USP48: variants seen among roughly 807,000 people sequenced by gnomAD.
USP48 encodes the protein ubiquitin carboxyl-terminal hydrolase 48.
In USP48, 43 loss-of-function variants were observed where a neutral mutation model predicts 150.7. That is an observed-to-expected ratio of 0.29 (90% CI 0.22 to 0.37). The LOEUF (loss-of-function observed/expected upper bound fraction) is 0.37. Among genes scored for constraint, USP48 ranks in the 10% least tolerant of loss-of-function variants. The pLI, the probability that USP48 is intolerant of heterozygous loss-of-function variation, is 1.00. For synonymous variants in USP48, 396 were observed against 425.9 expected (o/e 0.93, Z 0.86); for missense variants, 813 against 1,249.6 (o/e 0.65, Z 5.27).
At chr1:21,709,907 C>T (rs1375250783) in intron 15 of USP48, among the ~76,000 whole-genome samples, 1 of 152,034 alleles carries the variant, frequency 6.6e-6, no homozygotes, top group Admixed American at 6.6e-5. Context: ...AGCTGAGTTT[C>T]TAAATATAAT....
Position 21,721,672 on chromosome 1 carries a change from G to A in USP48, c.1741C>T (p.Leu581=). The part of the protein sequence containing the change: ...LNEDYKTVNN[L]LKAAVKGSDG... ...TACCCCTTTACTGCTGCTTTCAGCA[G>A]ATTATTAACAGTTTTATAATCTTCA... Residue 581 remains leucine (L), a synonymous_variant, in exon 13 of 27, where the codon CTG becomes TTG. Coordinates refer to ENST00000308271, the MANE Select transcript of USP48 (RefSeq NM_032236.8). 1 of 1,601,696 alleles carries A rather than the reference G, an allele frequency of 6.2e-7. No homozygotes were observed. The highest frequency in any genetic ancestry group is 8.5e-7 in the Non-Finnish European group (1 of 1,172,596).
chr1:21,683,019 G>A (rs114035717), intron 25 of USP48, among the ~76,000 whole-genome samples: 5 of 152,226 alleles, frequency 3.3e-5, no homozygotes, highest in Non-Finnish European at 5.9e-5. Context: ...CAAACACTTC[G>A]GGAGGCCGAG....
chr1:21,740,200 T>A (rs1018502514), intron 8 of USP48, among the ~76,000 whole-genome samples: 2 of 152,226 alleles, frequency 1.3e-5, no homozygotes, highest in African/African-American at 4.8e-5. Context: ...CATGAGCCAC[T>A]GCGCCCAGGC....
intron 23 of USP48, among the ~76,000 whole-genome samples, chr1:21,693,416 C>A (rs2097609552): frequency 6.6e-6 from 1 of 152,154 alleles, no homozygotes; most frequent in African/African-American, 2.4e-5. Context: ...GGGGAAAGAC[C>A]TTCTACTGCC....
rs1339073994 is a variant in USP48 at position 21,679,099 on chromosome 1, C to G, written c.*318G>C. Reference sequence around the variant, plus strand: ...ATATAACAGAACTTTATTCCCCTCCCACGACTATAAATCTCATATGTAAAC... The same window carrying G: ...ATATAACAGAACTTTATTCCCCTCCGACGACTATAAATCTCATATGTAAAC... On this transcript the variant is annotated 3_prime_UTR_variant, in exon 27 of 27. Coordinates refer to ENST00000308271, the MANE Select transcript of USP48 (RefSeq NM_032236.8). The G allele has an allele frequency of 2.3e-6, 1 of 429,982 alleles. No homozygotes were observed. Among genetic ancestry groups the G allele is most frequent in the Admixed American group, 4.0e-5 (1 of 24,890 alleles). 26.6% of individuals were successfully genotyped at this position (429,982 alleles called of 1,614,324 possible). A position where few individuals can be genotyped will look rare whatever the true frequency, so the allele number is the denominator to read the frequency against.
At chr1:21,687,094 T>C in intron 25 of USP48, 97 bp downstream of exon 25, 2 of 1,168,352 alleles carry the variant, frequency 1.7e-6, no homozygotes, top group Non-Finnish European at 2.5e-6. Flanking sequence ...TTTTCAAGGT[T>C]CAAAGTAAAA....
intron 1 of USP48, among the ~76,000 whole-genome samples, chr1:21,764,128 T>C (rs1053341912): frequency 6.6e-6 from 1 of 151,858 alleles, no homozygotes; most frequent in African/African-American, 2.4e-5. Flanking sequence ...ATCAAGGAGG[T>C]TGAGTGTTTC....
chr1:21,699,016 T>G (rs1478933886), intron 22 of USP48, among the ~76,000 whole-genome samples: 1 of 152,082 alleles, frequency 6.6e-6, no homozygotes, highest in Non-Finnish European at 1.5e-5. Flanking sequence ...TCGGGATGGA[T>G]ATGTACACCC....
chr1:21,691,460 C>T (rs2097600273), intron 23 of USP48, among the ~76,000 whole-genome samples: 3 of 152,034 alleles, frequency 2.0e-5, no homozygotes, highest in Non-Finnish European at 4.4e-5. Context: ...ATGGCAAAAC[C>T]CTATCTCTAC....
chr1:21,709,155 G>A (rs1354201659), intron 15 of USP48, among the ~76,000 whole-genome samples: 1 of 151,964 alleles, frequency 6.6e-6, no homozygotes, highest in Admixed American at 6.6e-5. Context: ...AGAAATGCTG[G>A]GATTATAAGC....
intron 7 of USP48, among the ~76,000 whole-genome samples, chr1:21,747,783 G>A (rs947597918): frequency 6.6e-6 from 1 of 151,760 alleles, no homozygotes; most frequent in Admixed American, 6.6e-5. Context: ...ATGTTGGCCC[G>A]GCTGATCTCG....
At chr1:21,717,966 G>A (rs939904129) in intron 14 of USP48, among the ~76,000 whole-genome samples, 5 of 152,148 alleles carry the variant, frequency 3.3e-5, no homozygotes, top group Non-Finnish European at 7.4e-5. Flanking sequence ...CAAAACTGAT[G>A]TGACGGATGT....
intron 14 of USP48, among the ~76,000 whole-genome samples, chr1:21,719,458 G>T (rs1000179043): frequency 1.2e-4 from 18 of 151,960 alleles, no homozygotes; most frequent in African/African-American, 4.1e-4. Flanking sequence ...AATATAAAGT[G>T]ACAGAAATGG....
intron 1 of USP48, among the ~76,000 whole-genome samples, chr1:21,758,003 C>T (rs1297319623): frequency 6.6e-6 from 1 of 152,094 alleles, no homozygotes; most frequent in African/African-American, 2.4e-5. Context: ...ACCTTTAGAC[C>T]TAGCAATCTC....
chr1:21,702,879 GCA>G (rs2097661223), intron 21 of USP48, among the ~76,000 whole-genome samples: 1 of 152,248 alleles, frequency 6.6e-6, no homozygotes, highest in Admixed American at 6.5e-5. Flanking sequence ...GCAGTGCGCA[GCA>G]CAGATACAGA....
intron 18 of USP48, 49 bp from the exon 19 acceptor site, chr1:21,705,886 G>T: frequency 7.2e-7 from 1 of 1,393,474 alleles, no homozygotes; most frequent in Non-Finnish European, 9.8e-7. Context: ...ACTGCATGAC[G>T]AAAGAGAAGA....
chr1:21,718,617 G>A (rs545159454), intron 14 of USP48, among the ~76,000 whole-genome samples: 1 of 150,494 alleles, frequency 6.6e-6, no homozygotes, highest in East Asian at 2.0e-4. Flanking sequence ...GGAATGCAGT[G>A]GTGCCATCTC....
rs1021054523 is a variant in USP48 at position 21,741,765 on chromosome 1, CG to C, written c.992-5141del. ...CCGAGGCAAGAGGACTGCTTAAGGC[CG>C]TAAGTCCGAAACCAGCCTGGGCAAC... On this transcript the variant is annotated intron_variant, in intron 8 of 26. Coordinates refer to ENST00000308271, the MANE Select transcript of USP48 (RefSeq NM_032236.8). Among the ~76,000 whole-genome samples, 9 of 152,176 alleles carry C rather than the reference CG, an allele frequency of 5.9e-5. No individual in the cohort carries two copies. In the East Asian group the frequency reaches 1.7e-3, roughly 29 times the overall value.
At chr1:21,738,541 A>G (rs1326726483) in intron 8 of USP48, among the ~76,000 whole-genome samples, 3 of 151,120 alleles carry the variant, frequency 2.0e-5, no homozygotes, top group Non-Finnish European at 2.9e-5. Context: ...TATTTTTAGT[A>G]GAGATGGGGT....
Sources: gnomAD v4.1 joint callset for allele counts (sites outside exome capture counted in the v4.1 genomes callset) on GRCh38, gnomAD v4.1.1 for gene constraint, MANE v1.5 for transcripts, NCBI Gene and HGNC (gene_info 2026-07-23, HGNC 2026-07-21) for gene names.